BMP8A: variants seen among roughly 807,000 people sequenced by gnomAD.
BMP8A encodes BMP-8A.
In BMP8A, 14 loss-of-function variants were observed where a neutral mutation model predicts 36.8. That is an observed-to-expected ratio of 0.38 (90% CI 0.25 to 0.60). The LOEUF is 0.60. Ranked by LOEUF, BMP8A falls within the 20% of genes least tolerant of loss-of-function variation. BMP8A has a pLI of 0.63. For missense variants in BMP8A, 267 were observed against 551.1 expected (o/e 0.48, Z 5.16); for synonymous variants, 120 against 237.7 (o/e 0.50, Z 4.55).
chr1:39,497,758 C>T (rs1349502748), intron 1 of BMP8A, among the ~76,000 whole-genome samples: 1 of 152,236 alleles, frequency 6.6e-6, no homozygotes, highest in Non-Finnish European at 1.5e-5. Context: ...TGCCCCCCAC[C>T]CCGTGGCAGG....
rs1356557049 is a variant in BMP8A at position 39,523,045 on chromosome 1, CTG to C, written c.990_991del (p.Cys330Ter). 6.2e-7 allele frequency: 1 copy of C among 1,613,822 alleles called. No individual in the cohort carries two copies. The highest frequency in any genetic ancestry group is 1.7e-5 in the Admixed American group (1 of 60,000). ...CCCCCCAAGGCTACTCAGCCTATTA[CTG>C]TGAGGGGGAGTGCTCCTTCCCGCTG... ...IAPQGYSAYY[C>X]EGECSFPLDS... On this transcript the variant is annotated frameshift_variant, in exon 6 of 7. Coordinates refer to ENST00000331593, the MANE Select transcript of BMP8A (RefSeq NM_181809.4). LOFTEE classifies it high-confidence loss of function.
chr1:39,503,284 C>T (rs917189026), intron 1 of BMP8A, among the ~76,000 whole-genome samples: 1 of 152,024 alleles, frequency 6.6e-6, no homozygotes, highest in Non-Finnish European at 1.5e-5. Context: ...GGGAGGATCC[C>T]TTGAGCCCTG....
chr1:39,492,048 C>CG lies in BMP8A; in HGVS notation c.62dup (p.Gly22ArgfsTer110). 9.1e-7 allele frequency: 1 copy of CG among 1,097,694 alleles called. No individual in the cohort carries two copies. Among genetic ancestry groups the CG allele is most frequent in the Non-Finnish European group, 1.1e-6 (1 of 904,016 alleles). The allele number at this position is 1,097,694 out of a possible 1,614,324, so 68.0% of individuals were successfully genotyped here. On this transcript the variant is annotated frameshift_variant, in exon 1 of 7. Transcript: ENST00000331593. LOFTEE classifies it high-confidence loss of function. The stretch of plus-strand genomic sequence containing the variant: ...TGGGCCTGACGTTGTGCGCGCTGGG[C>CG]GGGGGCGGCCCCGGCCTGCGACCCC...
chr1:39,524,435 G>A lies in BMP8A; in HGVS notation c.1060-1214G>A, dbSNP rs1645461752. Among the ~76,000 whole-genome samples the A allele has an allele frequency of 6.6e-6, 1 of 152,202 alleles. No homozygotes were observed. Among genetic ancestry groups the A allele is most frequent in the Non-Finnish European group, 1.5e-5 (1 of 68,036 alleles). On this transcript the variant is annotated intron_variant, in intron 6 of 6. Coordinates refer to ENST00000331593, the MANE Select transcript of BMP8A (RefSeq NM_181809.4). This position sits in a 1 kb window ranked among gnomAD's most constrained non-coding sequence, Gnocchi z 4.0. ...GAAGAGCAGAGCAGCCGTGCCGTCA[G>A]TGGAGTGAGACTGGGCCCAGCCTCT...
At chr1:39,504,095 TATTGTCCC>T (rs1204530546) in intron 1 of BMP8A, among the ~76,000 whole-genome samples, 4 of 152,224 alleles carry the variant, frequency 2.6e-5, no homozygotes, top group Non-Finnish European at 5.9e-5. Flanking sequence ...ATTGGTATCA[TATTGTCCC>T]ATTTGATGCT....
At chr1:39,494,233 T>TG (rs1645185680) in intron 1 of BMP8A, among the ~76,000 whole-genome samples, 1 of 152,222 alleles carries the variant, frequency 6.6e-6, no homozygotes, top group South Asian at 2.1e-4. Context: ...AACCCAGAAA[T>TG]GAACTCTAAA....
chr1:39,498,430 G>A (rs1036439264), intron 1 of BMP8A, among the ~76,000 whole-genome samples: 5 of 152,226 alleles, frequency 3.3e-5, no homozygotes, highest in African/African-American at 7.2e-5. Flanking sequence ...TGGCCTTGGC[G>A]GGCTTGATGT....
intron 1 of BMP8A, among the ~76,000 whole-genome samples, chr1:39,496,455 C>T (rs540250289): frequency 1.2e-3 from 184 of 151,600 alleles, no homozygotes; most frequent in Non-Finnish European, 2.3e-3. Context: ...GACGCCAACA[C>T]CTGATCTCAG....
chr1:39,496,660 G>C (rs1364682250), intron 1 of BMP8A, among the ~76,000 whole-genome samples: 1 of 152,206 alleles, frequency 6.6e-6, no homozygotes, highest in Non-Finnish European at 1.5e-5. Flanking sequence ...AAAGAGAGGA[G>C]AGAGAGGCTC....
intron 1 of BMP8A, among the ~76,000 whole-genome samples, chr1:39,505,848 T>A (rs1007666389): frequency 2.0e-5 from 3 of 151,962 alleles, no homozygotes; most frequent in African/African-American, 7.3e-5. Flanking sequence ...TAGCTGGGCA[T>A]GGTGGGGTGT....
chr1:39,508,585 G>A (rs748322894), intron 1 of BMP8A, among the ~76,000 whole-genome samples: 100 of 152,354 alleles, frequency 6.6e-4, no homozygotes, highest in Non-Finnish European at 1.2e-3. Flanking sequence ...TCTCTTAGCA[G>A]CTAAAGCAGG....
intron 5 of BMP8A, among the ~76,000 whole-genome samples, chr1:39,522,705 A>G (rs1271931627): frequency 2.0e-5 from 3 of 152,152 alleles, no homozygotes; most frequent in Non-Finnish European, 4.4e-5. Context: ...AGACTGAATC[A>G]ACCAACTAAG....
At chr1:39,525,249 T>A in intron 6 of BMP8A, 1 of 177,918 alleles carries the variant, frequency 5.6e-6, no homozygotes, top group South Asian at 1.4e-4. Flanking sequence ...TCTGGGGGGG[T>A]CTGAAGGGCT....
At chr1:39,515,673 G>T (rs1400233224) in intron 3 of BMP8A, 9 of 1,575,012 alleles carry the variant, frequency 5.7e-6, no homozygotes, top group Admixed American at 1.7e-5. Flanking sequence ...AGCTGCAGAC[G>T]TCACGGCGGT....
chr1:39,492,514 G>T (rs1049262160), intron 1 of BMP8A, among the ~76,000 whole-genome samples, 189 bp downstream of exon 1: 1 of 152,172 alleles, frequency 6.6e-6, no homozygotes, highest in African/African-American at 2.4e-5. Context: ...GCTGCGGGGT[G>T]GTCAGGAGCA....
At position 39,523,000 on chromosome 1, in the gene BMP8A, C is replaced by G. The variant is rs1284015906; in HGVS notation, c.949-7C>G. On this transcript the variant is annotated splice_region_variant and splice_polypyrimidine_tract_variant and intron_variant, in intron 5 of 6. Transcript: ENST00000331593. Reference sequence around the variant, plus strand: ...GGATGGGACTCACCTTCTCCCTTGCCCCCCAGGACTGGGTCATCGCCCCCC... The same window carrying G: ...GGATGGGACTCACCTTCTCCCTTGCGCCCCAGGACTGGGTCATCGCCCCCC... 8 of 1,599,924 alleles carry G rather than the reference C, an allele frequency of 5.0e-6. No homozygotes were observed. The highest frequency in any genetic ancestry group is 6.8e-6 in the Non-Finnish European group (8 of 1,172,204).
chr1:39,493,221 G>C (rs1392400517), intron 1 of BMP8A, among the ~76,000 whole-genome samples: 1 of 152,206 alleles, frequency 6.6e-6, no homozygotes, highest in Admixed American at 6.5e-5. Flanking sequence ...GTGGGGCTGA[G>C]AGCAGGGAGT....
intron 1 of BMP8A, among the ~76,000 whole-genome samples, chr1:39,505,329 T>C (rs1645292121): frequency 6.6e-6 from 1 of 152,172 alleles, no homozygotes; most frequent in Non-Finnish European, 1.5e-5. Context: ...GACTGGAGAA[T>C]GGCAATGACT....
chr1:39,500,846 G>T lies in BMP8A; in HGVS notation c.334+8521G>T, dbSNP rs564510985. On this transcript the variant is annotated intron_variant, in intron 1 of 6. Coordinates refer to ENST00000331593, the MANE Select transcript of BMP8A (RefSeq NM_181809.4). ...TTTTTGTATTTTTAGTAGAGACAGG[G>T]TTTCACCATGTTGGCCAGGCTGGTC... is the stretch of plus-strand genomic sequence containing the variant. Among the ~76,000 whole-genome samples, 164 of 152,108 alleles carry T rather than the reference G, an allele frequency of 1.1e-3. 1 individual carries two copies. The highest frequency in any genetic ancestry group is 3.8e-3 in the African/African-American group (157 of 41,492).
Sources: gnomAD v4.1 joint callset for allele counts (sites outside exome capture counted in the v4.1 genomes callset) on GRCh38, gnomAD v4.1.1 for gene constraint, Gnocchi (gnomAD v3.1) non-coding constraint, MANE v1.5 for transcripts, NCBI Gene and HGNC (gene_info 2026-07-23, HGNC 2026-07-21) for gene names.